The following FSTL5 variants were observed in gnomAD, a reference collection of about 807,000 sequenced individuals.
The protein encoded by FSTL5 is follistatin-related protein 5.
Under a neutral mutation model 89.1 loss-of-function variants are expected in FSTL5, and 62 were observed. That is an observed-to-expected ratio of 0.70 (90% CI 0.57 to 0.86). The LOEUF is 0.86. FSTL5 is among the 40% of genes least tolerant of loss of function. The pLI is 0.00. For synonymous variants in FSTL5, 383 were observed against 346.2 expected (o/e 1.11, Z -1.18); for missense variants, 1,057 against 1,001.6 (o/e 1.06, Z -0.75).
chr4:161,762,530 C>T (rs1315166733), intron 5 of FSTL5, among the ~76,000 whole-genome samples: 7 of 152,048 alleles, frequency 4.6e-5, no homozygotes, highest in Non-Finnish European at 8.8e-5. Context: ...TTGAATATAT[C>T]GTATTCAAAT....
chr4:162,034,489 C>T (rs1737658001), intron 2 of FSTL5, among the ~76,000 whole-genome samples: 1 of 152,146 alleles, frequency 6.6e-6, no homozygotes, highest in African/African-American at 2.4e-5. Context: ...TATTCAAAGG[C>T]TGCTCCAGTC....
At chr4:161,414,951 T>A (rs1016460884) in intron 15 of FSTL5, among the ~76,000 whole-genome samples, 5 of 152,188 alleles carry the variant, frequency 3.3e-5, no homozygotes, top group African/African-American at 1.2e-4. Context: ...GTTTCTTTCT[T>A]AATAATGTTT....
chr4:161,522,746 G>C (rs1450772712), intron 10 of FSTL5, among the ~76,000 whole-genome samples: 1 of 151,380 alleles, frequency 6.6e-6, no homozygotes, highest in Non-Finnish European at 1.5e-5. Context: ...ATAATACCTA[G>C]ATACAAGAAT....
At chr4:161,735,300 G>A (rs1739772115) in intron 6 of FSTL5, among the ~76,000 whole-genome samples, 1 of 152,154 alleles carries the variant, frequency 6.6e-6, no homozygotes, top group South Asian at 2.1e-4. Context: ...CACTCCCCAG[G>A]AACATTCAGT....
chr4:162,071,862 C>T (rs1475175897), intron 2 of FSTL5, among the ~76,000 whole-genome samples: 1 of 151,632 alleles, frequency 6.6e-6, no homozygotes, highest in Non-Finnish European at 1.5e-5. Context: ...AATACATATA[C>T]AAATACATGA....
chr4:161,858,812 C>T (rs1031569398), intron 4 of FSTL5, among the ~76,000 whole-genome samples: 1 of 152,172 alleles, frequency 6.6e-6, no homozygotes, highest in African/African-American at 2.4e-5. Flanking sequence ...CTGCCTAGAG[C>T]TTTATCTCCC....
intron 4 of FSTL5, among the ~76,000 whole-genome samples, chr4:161,838,654 T>C (rs959558065): frequency 6.6e-6 from 1 of 152,132 alleles, no homozygotes; most frequent in African/African-American, 2.4e-5. Context: ...TGTATCGACA[T>C]TATGATCCTT....
chr4:161,832,791 C>T (rs1189576917), intron 4 of FSTL5, among the ~76,000 whole-genome samples: 1 of 151,020 alleles, frequency 6.6e-6, no homozygotes, highest in Non-Finnish European at 1.5e-5. Flanking sequence ...ATTAGTCTTG[C>T]TAGCGGTCTA....
intron 6 of FSTL5, among the ~76,000 whole-genome samples, chr4:161,659,050 A>G (rs1051775902): frequency 2.5e-4 from 38 of 152,208 alleles, no homozygotes; most frequent in South Asian, 4.1e-4. Context: ...CTTAGAATAA[A>G]TGCTGAGATT....
At chr4:161,544,659 A>T (rs1483152187) in intron 8 of FSTL5, among the ~76,000 whole-genome samples, 1 of 151,980 alleles carries the variant, frequency 6.6e-6, no homozygotes, top group Non-Finnish European at 1.5e-5. Flanking sequence ...AAGAAAGGAA[A>T]GGCAAAGGAG....
At chr4:161,472,730 CT>C (rs70937653) in intron 13 of FSTL5, among the ~76,000 whole-genome samples, 126,565 of 140,020 alleles carry the variant, frequency 0.9, 57,269 homozygotes, top group East Asian at 0.98. Flanking sequence ...TTATATGTAA[CT>C]TTTTTTTTTT....
At chr4:162,009,970 T>C (rs1470700804) in intron 3 of FSTL5, among the ~76,000 whole-genome samples, 1 of 144,122 alleles carries the variant, frequency 6.9e-6, no homozygotes, top group Non-Finnish European at 1.5e-5. Context: ...TTTTGTTTTG[T>C]TTGTTTTGTA....
chr4:161,480,694 T>A lies in FSTL5; in HGVS notation c.1608+326A>T, dbSNP rs1425283945. Among the ~76,000 whole-genome samples the A allele has an allele frequency of 3.9e-5, 6 of 152,196 alleles. No individual in the cohort carries two copies. In the East Asian group the frequency reaches 1.2e-3, roughly 29 times the overall value. On this transcript the variant is annotated intron_variant, in intron 13 of 15. Transcript: ENST00000306100. Reference sequence around the variant, plus strand: ...GTAATGATAAGCAGGAATGTCTTAATTGGCCTCTGCCTGCTCCGACTGTGC... The same window carrying A: ...GTAATGATAAGCAGGAATGTCTTAAATGGCCTCTGCCTGCTCCGACTGTGC...
At chr4:162,162,173 G>GA (rs1426197091) in intron 1 of FSTL5, among the ~76,000 whole-genome samples, 1 of 151,936 alleles carries the variant, frequency 6.6e-6, no homozygotes, top group Admixed American at 6.6e-5. Flanking sequence ...TAAATACAAT[G>GA]AAAAATCTCT....
intron 15 of FSTL5, among the ~76,000 whole-genome samples, chr4:161,419,835 T>C (rs1478761652): frequency 6.6e-6 from 1 of 152,202 alleles, no homozygotes; most frequent in Non-Finnish European, 1.5e-5. Context: ...TCTGCAACTT[T>C]ATGTTCTGCT....
intron 7 of FSTL5, among the ~76,000 whole-genome samples, chr4:161,640,681 C>T (rs546256603): frequency 2.1e-5 from 3 of 140,994 alleles, no homozygotes; most frequent in Admixed American, 6.7e-5. Flanking sequence ...AGAATACCAT[C>T]AAGAGTTCCA....
intron 4 of FSTL5, among the ~76,000 whole-genome samples, chr4:161,876,772 TTTTA>T (rs1732456179): frequency 6.6e-6 from 1 of 152,028 alleles, no homozygotes; most frequent in East Asian, 1.9e-4. Context: ...AGAGGTTTTA[TTTTA>T]TTTAATTTTT....
At chr4:161,940,117 A>G (rs1734537470) in intron 3 of FSTL5, among the ~76,000 whole-genome samples, 1 of 151,910 alleles carries the variant, frequency 6.6e-6, no homozygotes, top group Non-Finnish European at 1.5e-5. Context: ...TTTCTAAAAA[A>G]TTCTATCCTC....
At chr4:161,386,626 T>G (rs1730658533) in intron 15 of FSTL5, 177 bp from the exon 16 acceptor site, 2 of 566,222 alleles carry the variant, frequency 3.5e-6, no homozygotes, top group African/African-American at 1.9e-5. Context: ...CTTCTTTCTC[T>G]AGGTCATTCT....
Sources: allele counts gnomAD v4.1 joint callset (sites outside exome capture counted in the v4.1 genomes callset), GRCh38; gene constraint gnomAD v4.1.1; transcripts MANE v1.5; gene names NCBI Gene and HGNC (gene_info 2026-07-23, HGNC 2026-07-21).